Variants in NAV3 observed in about 807,000 individuals in gnomAD.
The protein encoded by NAV3 is neuron navigator 3.
In NAV3, 87 loss-of-function variants were observed where a neutral mutation model predicts 244.7. The ratio of observed to expected loss-of-function variants is 0.36; its 90% CI spans 0.30 to 0.42. The LOEUF (loss-of-function observed/expected upper bound fraction) is 0.42, where lower values mean the gene tolerates loss of function less well. Ranked by LOEUF, NAV3 falls within the 20% of genes least tolerant of loss-of-function variation. NAV3 has a pLI of 1.00. For missense variants in NAV3, 2,663 were observed against 2,893.3 expected (o/e 0.92, Z 1.83); for synonymous variants, 1,126 against 1,042.2 (o/e 1.08, Z -1.55).
intron 12 of NAV3, among the ~76,000 whole-genome samples, chr12:78,077,360 T>C (rs1490668517): frequency 6.6e-6 from 1 of 152,240 alleles, no homozygotes; most frequent in African/African-American, 2.4e-5. Context: ...ATAAATATTT[T>C]AGGCTTTACG....
chr12:78,117,158 CATATATATAT>C (rs377148138), intron 13 of NAV3, among the ~76,000 whole-genome samples: 49 of 70,336 alleles, frequency 7.0e-4, no homozygotes, highest in East Asian at 2.5e-3. Context: ...ACAGAAGCAG[CATATATATAT>C]ATATATATAT....
chr12:77,630,727 T>C (rs1014347854), intron 2 of NAV3, among the ~76,000 whole-genome samples: 1 of 152,200 alleles, frequency 6.6e-6, no homozygotes, highest in African/African-American at 2.4e-5. Flanking sequence ...TCTTCCATCC[T>C]TGCTAAGATA....
intron 5 of NAV3, among the ~76,000 whole-genome samples, chr12:77,989,044 A>G (rs1871015036): frequency 6.6e-6 from 1 of 152,192 alleles, no homozygotes; most frequent in Admixed American, 6.6e-5. Context: ...AAAATTTGAA[A>G]GAAAAATAAT....
rs1293632800 is a variant in NAV3, at chr12:78,159,289, A to G, written c.4869+3A>G. 1.2e-6 allele frequency: 2 copies of G among 1,612,582 alleles called. No homozygotes were observed. The highest frequency in any genetic ancestry group is 8.5e-7 in the Non-Finnish European group (1 of 1,179,000). ...TAACTATGACAGCGGAACAAAAGGT[A>G]TGTTCAGAAATTGCCACTGGAGACT... On this transcript the variant is annotated splice_donor_region_variant and intron_variant, in intron 23 of 39. Coordinates refer to ENST00000397909, the MANE Select transcript of NAV3 (RefSeq NM_001024383.2).
At chr12:78,164,852 CA>C (rs989182063) in intron 23 of NAV3, among the ~76,000 whole-genome samples, 26 of 151,952 alleles carry the variant, frequency 1.7e-4, no homozygotes, top group Non-Finnish European at 3.2e-4. Flanking sequence ...CCTAGAAGGT[CA>C]AGTTAGTTGA....
At chr12:77,912,362 A>G (rs1220217625) in intron 1 of NAV3, among the ~76,000 whole-genome samples, 16 of 152,134 alleles carry the variant, frequency 1.1e-4, no homozygotes, top group Non-Finnish European at 2.2e-4. Flanking sequence ...AGGCCTAATA[A>G]TCTGACAACA....
At chr12:78,206,662 T>A (rs1960343561) in intron 39 of NAV3, among the ~76,000 whole-genome samples, 1 of 152,076 alleles carries the variant, frequency 6.6e-6, no homozygotes, top group Non-Finnish European at 1.5e-5. Flanking sequence ...AGGTTTTCCC[T>A]TCTGGCATGA....
chr12:77,713,945 G>A (rs759733990), intron 2 of NAV3, among the ~76,000 whole-genome samples: 1 of 151,894 alleles, frequency 6.6e-6, no homozygotes. Context: ...AACATTAGTT[G>A]CTAATATTAT....
At chr12:77,699,789 CT>C (rs35593239) in intron 2 of NAV3, among the ~76,000 whole-genome samples, 67 of 143,458 alleles carry the variant, frequency 4.7e-4, no homozygotes, top group African/African-American at 7.1e-4. Flanking sequence ...TCTGCATGAC[CT>C]TTTTTTTTTT....
intron 2 of NAV3, among the ~76,000 whole-genome samples, chr12:77,776,350 T>C (rs1260902138): frequency 6.6e-6 from 1 of 152,246 alleles, no homozygotes; most frequent in East Asian, 1.9e-4. Flanking sequence ...TGTTGAAATC[T>C]TTCTGTATTT....
intron 2 of NAV3, among the ~76,000 whole-genome samples, chr12:77,648,680 A>T (rs711125): frequency 1.3e-5 from 2 of 151,924 alleles, no homozygotes; most frequent in East Asian, 3.9e-4. Context: ...AAAGTTGGTG[A>T]CAATTTATTT....
At chr12:77,856,418 A>G (rs889861512) in intron 1 of NAV3, among the ~76,000 whole-genome samples, 1 of 152,152 alleles carries the variant, frequency 6.6e-6, no homozygotes, top group Non-Finnish European at 1.5e-5. Context: ...GTTTTCTTAC[A>G]CAGGAGGTCC....
intron 12 of NAV3, chr12:78,091,520 G>A (rs1225535164): frequency 6.6e-6 from 1 of 152,182 alleles, no homozygotes; most frequent in Non-Finnish European, 1.5e-5. Flanking sequence ...CCTGTGGCCG[G>A]GCGCAGTGGC....
intron 12 of NAV3, among the ~76,000 whole-genome samples, chr12:78,079,004 G>A (rs1953210956): frequency 6.6e-6 from 1 of 152,182 alleles, no homozygotes; most frequent in Non-Finnish European, 1.5e-5. Context: ...TCCTTAAATA[G>A]ATCAAAAGGC....
intron 2 of NAV3, among the ~76,000 whole-genome samples, chr12:77,801,532 C>A (rs1216758031): frequency 6.6e-6 from 1 of 151,934 alleles, no homozygotes; most frequent in African/African-American, 2.4e-5. Flanking sequence ...TACAAATTTT[C>A]AGAGATGTGC....
chr12:77,637,680 C>T (rs1681440894), intron 2 of NAV3, among the ~76,000 whole-genome samples: 1 of 152,130 alleles, frequency 6.6e-6, no homozygotes, highest in Admixed American at 6.6e-5. Flanking sequence ...GAATTTACAT[C>T]TAAGCTAATT....
intron 11 of NAV3, chr12:78,056,319 G>T (rs552979910): frequency 6.6e-6 from 1 of 152,118 alleles, no homozygotes; most frequent in Non-Finnish European, 1.5e-5. Flanking sequence ...GTTGGCTTAC[G>T]TAGGAGGCAG....
intron 2 of NAV3, among the ~76,000 whole-genome samples, chr12:77,810,108 AG>A (rs1443543047): frequency 6.6e-6 from 1 of 152,170 alleles, no homozygotes; most frequent in Non-Finnish European, 1.5e-5. Flanking sequence ...CTTCTAAGTA[AG>A]TTTAGAAATT....
rs559871069 is a variant in NAV3 at position 77,701,344 on chromosome 12, A to G, written c.72+129078A>G. Among the ~76,000 whole-genome samples the G allele has an allele frequency of 6.6e-5, 10 of 152,086 alleles. No homozygotes were observed. The South Asian group carries it at 1.7e-3, about 25-fold the overall frequency. ...CAAATTTATTAGCAGAATGTTAGCC[A>G]TACTATTCTCTGTAAGCTCCCATGA... On this transcript the variant is annotated intron_variant, in intron 2 of 8. Transcript: ENST00000550042.
Sources: allele counts gnomAD v4.1 joint callset (sites outside exome capture counted in the v4.1 genomes callset), GRCh38; gene constraint gnomAD v4.1.1; transcripts MANE v1.5; gene names NCBI Gene and HGNC (gene_info 2026-07-23, HGNC 2026-07-21).